The following CLIC5 variants were observed in gnomAD, a reference collection of about 807,000 sequenced individuals.
The protein encoded by CLIC5 is CLIC family member 5.
Under a neutral mutation model 24.7 loss-of-function variants are expected in CLIC5, and 20 were observed. The ratio of observed to expected loss-of-function variants is 0.81; its 90% CI spans 0.57 to 1.18. The LOEUF (loss-of-function observed/expected upper bound fraction) is 1.18. CLIC5 is among the 50% of genes most tolerant of loss of function. The pLI is 0.00. For synonymous variants in CLIC5, 159 were observed against 135.6 expected, an observed-to-expected ratio of 1.17 and a Z score of -1.20; for missense variants, 341 against 326.1, an observed-to-expected ratio of 1.05 and a Z score of -0.35.
chr6:45,893,070 C>G (rs1363280026), intron 6 of CLIC5, among the ~76,000 whole-genome samples: 1 of 152,146 alleles, frequency 6.6e-6, no homozygotes, highest in African/African-American at 2.4e-5. Flanking sequence ...GGCTCCATGT[C>G]TTTTTCGGAT....
intron 1 of CLIC5, among the ~76,000 whole-genome samples, chr6:45,992,477 T>C (rs1765976318): frequency 6.6e-6 from 1 of 152,214 alleles, no homozygotes; most frequent in African/African-American, 2.4e-5. Context: ...ACGGAGAGAT[T>C]CTTTATTGAA....
chr6:46,053,369 T>C (rs1334928936), intron 1 of CLIC5, among the ~76,000 whole-genome samples: 2 of 152,154 alleles, frequency 1.3e-5, no homozygotes, highest in Non-Finnish European at 2.9e-5. Flanking sequence ...AGAGGTGCTA[T>C]ATTAGATGGT....
intron 1 of CLIC5, among the ~76,000 whole-genome samples, chr6:46,070,851 C>T (rs1762575355): frequency 6.6e-6 from 1 of 152,116 alleles, no homozygotes; most frequent in Non-Finnish European, 1.5e-5. Context: ...GTAACCCAAA[C>T]AGCATGGTAT....
downstream of CLIC5, among the ~76,000 whole-genome samples, chr6:45,894,916 G>A (rs1273947054): frequency 6.6e-6 from 1 of 152,048 alleles, no homozygotes; most frequent in East Asian, 1.9e-4. Context: ...GTTTTTGTCT[G>A]GTCCTAGTAT....
At chr6:45,995,050 TG>T (rs1401170712) in intron 1 of CLIC5, among the ~76,000 whole-genome samples, 3 of 152,086 alleles carry the variant, frequency 2.0e-5, no homozygotes, top group African/African-American at 7.2e-5. Flanking sequence ...AAGAAAGAAA[TG>T]TTTTTTTTAA....
At chr6:46,094,440 T>G in the CLIC5 span, among the ~76,000 whole-genome samples, 2 of 152,182 alleles carry the variant, frequency 1.3e-5, no homozygotes, top group African/African-American at 2.4e-5. Context: ...GTTAGTTACT[T>G]GCAAAATACA....
At chr6:46,118,472 A>G in the CLIC5 span, among the ~76,000 whole-genome samples, 18 of 152,234 alleles carry the variant, frequency 1.2e-4, no homozygotes, top group Admixed American at 1.1e-3. Flanking sequence ...GGCATAAACT[A>G]GGACTATCCT....
chr6:45,898,909 G>A lies in CLIC5; in HGVS notation c.*4179C>T, dbSNP rs1762440350. The A allele has an allele frequency of 6.6e-6, 1 of 152,264 alleles. No homozygotes were observed. Among genetic ancestry groups the A allele is most frequent in the South Asian group, 2.1e-4 (1 of 4,834 alleles). 9.4% of individuals were successfully genotyped at this position (152,264 alleles called of 1,614,324 possible). A position where few individuals can be genotyped will look rare whatever the true frequency, so the allele number is the denominator to read the frequency against. ...AAGTACATTTTACCAAAAACAGATT[G>A]CTTCTATAGAAACACAGAATAGCCC... On this transcript the variant is annotated 3_prime_UTR_variant, in exon 6 of 6. Coordinates refer to ENST00000339561, the MANE Select transcript of CLIC5 (RefSeq NM_016929.5).
chr6:46,099,037 T>G, the CLIC5 span, among the ~76,000 whole-genome samples: 4 of 152,162 alleles, frequency 2.6e-5, no homozygotes, highest in Non-Finnish European at 5.9e-5. Context: ...GGTTAGAAAC[T>G]TCACCAAACT....
At chr6:46,106,962 C>CT in the CLIC5 span, among the ~76,000 whole-genome samples, 1 of 152,148 alleles carries the variant, frequency 6.6e-6, no homozygotes, top group South Asian at 2.1e-4. Flanking sequence ...GCTATAAAGT[C>CT]TTTTTTTATG....
the CLIC5 span, among the ~76,000 whole-genome samples, chr6:46,112,991 G>T: frequency 6.6e-6 from 1 of 152,150 alleles, no homozygotes. Context: ...AGGAGGTGGA[G>T]GTTGCAATAA....
intron 2 of CLIC5, among the ~76,000 whole-genome samples, chr6:45,951,232 C>T (rs3777585): frequency 0.17 from 26,043 of 152,136 alleles, 2,663 homozygotes; most frequent in Middle Eastern, 0.25. Flanking sequence ...AGCAACAGTG[C>T]ATTTCTCCCC....
chr6:46,112,924 G>A, the CLIC5 span, among the ~76,000 whole-genome samples: 5 of 152,174 alleles, frequency 3.3e-5, no homozygotes, highest in African/African-American at 1.2e-4. Flanking sequence ...GAGTGTGGTG[G>A]CAGGCACCTG....
intron 6 of CLIC5, among the ~76,000 whole-genome samples, chr6:45,887,434 A>G (rs1465463289): frequency 6.6e-6 from 1 of 152,062 alleles, no homozygotes; most frequent in Non-Finnish European, 1.5e-5. Flanking sequence ...CCAAATTTTT[A>G]TCCTCTTGTA....
chr6:46,046,976 A>G (rs1417522869), intron 1 of CLIC5, among the ~76,000 whole-genome samples: 1 of 152,204 alleles, frequency 6.6e-6, no homozygotes, highest in Non-Finnish European at 1.5e-5. Context: ...ATAAAACTCA[A>G]AGTCCAAGAC....
chr6:46,078,177 T>C (rs1762820657), intron 1 of CLIC5, among the ~76,000 whole-genome samples: 1 of 152,026 alleles, frequency 6.6e-6, no homozygotes. Flanking sequence ...CTGGCCAACA[T>C]GGCAAAACCC....
intron 1 of CLIC5, among the ~76,000 whole-genome samples, chr6:45,990,434 C>G (rs891279828): frequency 2.6e-5 from 4 of 152,152 alleles, no homozygotes; most frequent in Non-Finnish European, 5.9e-5. Flanking sequence ...TTTAGAAAAC[C>G]ACTTGAGTTG....
chr6:46,076,862 G>C (rs1762784434), intron 1 of CLIC5, among the ~76,000 whole-genome samples: 1 of 152,162 alleles, frequency 6.6e-6, no homozygotes, highest in Non-Finnish European at 1.5e-5. Flanking sequence ...ACATGGCTGG[G>C]CGCGGTGGCT....
chr6:45,980,749 T>C (rs899419082), intron 1 of CLIC5, among the ~76,000 whole-genome samples: 2 of 151,336 alleles, frequency 1.3e-5, no homozygotes, highest in Non-Finnish European at 2.9e-5. Flanking sequence ...TTATCAGAAG[T>C]TATCTAATTA....
Sources: gnomAD v4.1 joint callset for allele counts (sites outside exome capture counted in the v4.1 genomes callset) on GRCh38, gnomAD v4.1.1 for gene constraint, MANE v1.5 for transcripts, NCBI Gene and HGNC (gene_info 2026-07-23, HGNC 2026-07-21) for gene names.